MYO6: variants seen among roughly 807,000 people sequenced by gnomAD.
The protein encoded by MYO6 is myosin VI, also known as unconventional myosin-VI.
A neutral mutation model predicts 178.7 loss-of-function variants in MYO6; 74 were observed. The ratio of observed to expected loss-of-function variants is 0.41; its 90% CI spans 0.34 to 0.50. The LOEUF (loss-of-function observed/expected upper bound fraction) is 0.50. Ranked by LOEUF, MYO6 falls within the 20% of genes least tolerant of loss-of-function variation. MYO6 has a pLI of 0.09. For missense variants in MYO6, 1,330 were observed against 1,547.4 expected, an observed-to-expected ratio of 0.86 and a Z score of 2.36; for synonymous variants, 477 against 504.6, an observed-to-expected ratio of 0.95 and a Z score of 0.73.
intron 1 of MYO6, among the ~76,000 whole-genome samples, chr6:75,771,093 C>A (rs1765844390): frequency 6.6e-6 from 1 of 151,670 alleles, no homozygotes; most frequent in African/African-American, 2.4e-5. Flanking sequence ...GCCTCGACCT[C>A]CTGGGCTCAA....
rs373903248 is a variant in MYO6 at position 75,807,940 on chromosome 6, A to G, written c.-47-9561A>G. Among the ~76,000 whole-genome samples the G allele has an allele frequency of 1.4e-4, 21 of 152,156 alleles. No homozygotes were observed. The East Asian group carries it at 3.3e-3, about 24-fold the overall frequency. On this transcript the variant is annotated intron_variant, in intron 1 of 34. Coordinates refer to ENST00000369977, the MANE Select transcript of MYO6 (RefSeq NM_004999.4). ...TTTAGCCTTATTTTACCCACCTCCTATTCAAGATGGAGTTGCTCTGGTTCA... is the reference window on the plus strand; with the variant it reads ...TTTAGCCTTATTTTACCCACCTCCTGTTCAAGATGGAGTTGCTCTGGTTCA...
At chr6:75,793,682 A>G (rs1316541084) in intron 1 of MYO6, among the ~76,000 whole-genome samples, 1 of 152,250 alleles carries the variant, frequency 6.6e-6, no homozygotes, top group Non-Finnish European at 1.5e-5. Flanking sequence ...GGCAATGATG[A>G]AAATAATTAA....
chr6:75,840,424 G>T (rs890290929), intron 7 of MYO6, among the ~76,000 whole-genome samples, 161 bp from the exon 8 acceptor site: 1 of 152,038 alleles, frequency 6.6e-6, no homozygotes, highest in African/African-American at 2.4e-5. Context: ...GCCTCCCAAA[G>T]TGCTGGGATT....
At chr6:75,888,887 GA>G (rs1317538723) in intron 25 of MYO6, among the ~76,000 whole-genome samples, 1 of 151,794 alleles carries the variant, frequency 6.6e-6, no homozygotes, top group South Asian at 2.1e-4. Flanking sequence ...AATTTTGTAG[GA>G]AAAAAATGGG....
intron 9 of MYO6, among the ~76,000 whole-genome samples, chr6:75,844,594 T>G (rs567343367): frequency 6.6e-6 from 1 of 152,274 alleles, no homozygotes; most frequent in Admixed American, 6.5e-5. Flanking sequence ...GTTTAGATTT[T>G]TGATACTGAA....
intron 1 of MYO6, among the ~76,000 whole-genome samples, chr6:75,757,689 T>G (rs993993861): frequency 1.3e-5 from 2 of 152,088 alleles, no homozygotes; most frequent in Non-Finnish European, 2.9e-5. Flanking sequence ...GAGGCAATCC[T>G]GGTTTTGTCA....
At chr6:75,821,421 A>G (rs1466051218) in intron 2 of MYO6, among the ~76,000 whole-genome samples, 1 of 152,182 alleles carries the variant, frequency 6.6e-6, no homozygotes, top group East Asian at 1.9e-4. Flanking sequence ...CCATTAATAT[A>G]CTTAATGCAC....
At chr6:75,750,769 G>A (rs1179810051) in intron 1 of MYO6, among the ~76,000 whole-genome samples, 1 of 151,684 alleles carries the variant, frequency 6.6e-6, no homozygotes, top group Non-Finnish European at 1.5e-5. Context: ...TAGCAGAGAC[G>A]GGGATTCGCC....
chr6:75,789,021 G>A (rs765870277), intron 1 of MYO6, among the ~76,000 whole-genome samples: 45 of 152,228 alleles, frequency 3.0e-4, no homozygotes, highest in Non-Finnish European at 5.4e-4. Context: ...ACATTATTCA[G>A]TATGCTGCAA....
At chr6:75,839,392 G>A (rs1023740101) in intron 7 of MYO6, among the ~76,000 whole-genome samples, 3 of 151,938 alleles carry the variant, frequency 2.0e-5, no homozygotes, top group African/African-American at 7.2e-5. Context: ...GTTTCAACGT[G>A]TTAGCCAGGA....
intron 1 of MYO6, among the ~76,000 whole-genome samples, chr6:75,757,491 G>A (rs749351478): frequency 5.9e-5 from 9 of 151,542 alleles, no homozygotes; most frequent in Non-Finnish European, 8.8e-5. Flanking sequence ...AGTGATGGGT[G>A]TGGGGAGTCA....
intron 22 of MYO6, 51 bp downstream of exon 22, chr6:75,880,171 T>G: frequency 7.6e-7 from 1 of 1,307,706 alleles, no homozygotes; most frequent in Non-Finnish European, 1.1e-6. Context: ...AACAAATAGT[T>G]GGGGTTAGTG....
At chr6:75,891,767 G>A (rs758038780) in intron 27 of MYO6, among the ~76,000 whole-genome samples, 8 of 152,192 alleles carry the variant, frequency 5.3e-5, no homozygotes, top group Non-Finnish European at 1.0e-4. Flanking sequence ...AGTGGTTATG[G>A]GAATGGACTT....
intron 20 of MYO6, among the ~76,000 whole-genome samples, chr6:75,876,117 T>C (rs1777549808): frequency 6.6e-6 from 1 of 152,108 alleles, no homozygotes; most frequent in Admixed American, 6.5e-5. Flanking sequence ...CTATACTTTT[T>C]CCTTTATCTT....
chr6:75,759,008 C>A (rs1448866259), intron 1 of MYO6, among the ~76,000 whole-genome samples: 1 of 151,644 alleles, frequency 6.6e-6, no homozygotes, highest in African/African-American at 2.4e-5. Context: ...TAGCTGGGAT[C>A]ACAGGCATGT....
At chr6:75,827,106 G>T (rs1772552768) in intron 3 of MYO6, among the ~76,000 whole-genome samples, 1 of 152,138 alleles carries the variant, frequency 6.6e-6, no homozygotes, top group Admixed American at 6.5e-5. Context: ...TCAAACAAAT[G>T]AATCAGGCAG....
At chr6:75,870,767 C>T in intron 19 of MYO6, 82 bp downstream of exon 19, 1 of 1,084,776 alleles carries the variant, frequency 9.2e-7, no homozygotes, top group South Asian at 1.5e-5. Context: ...GCATAGTAAC[C>T]CTGTACTAAT....
chr6:75,797,491 A>AT (rs1768987670), intron 1 of MYO6, among the ~76,000 whole-genome samples: 2 of 151,970 alleles, frequency 1.3e-5, no homozygotes, highest in Non-Finnish European at 2.9e-5. Flanking sequence ...CCAGTCATGT[A>AT]ATTGCTGGGT....
At chr6:75,887,905 G>C (rs369605710) in intron 25 of MYO6, among the ~76,000 whole-genome samples, 50 of 152,070 alleles carry the variant, frequency 3.3e-4, no homozygotes, top group Admixed American at 2.0e-3. Context: ...AGTGAACCGG[G>C]GGGGCGGAGC....
Sources: allele counts gnomAD v4.1 joint callset (sites outside exome capture counted in the v4.1 genomes callset), GRCh38; gene constraint gnomAD v4.1.1; transcripts MANE v1.5; gene names NCBI Gene and HGNC (gene_info 2026-07-23, HGNC 2026-07-21).